CGGBP1: variants seen among roughly 807,000 people sequenced by gnomAD.
CGGBP1 encodes CGG triplet repeat binding protein 1, also known as CGG triplet repeat-binding protein 1.
CGGBP1 carries 4 observed loss-of-function variants against 11.4 expected under a neutral mutation model. The ratio of observed to expected loss-of-function variants is 0.35; its 90% confidence interval spans 0.17 to 0.80. CGGBP1 has a LOEUF of 0.80. Among genes scored for constraint, CGGBP1 ranks in the 30% least tolerant of loss-of-function variants. The pLI is 0.52. For synonymous variants in CGGBP1, 76 were observed against 74.1 expected (o/e 1.03, Z -0.13); for missense variants, 135 against 202.1 (o/e 0.67, Z 2.01).
chr3:88,119,185 C>A (rs1350786616), intron 2 of CGGBP1, among the ~76,000 whole-genome samples: 1 of 147,844 alleles, frequency 6.8e-6, no homozygotes, highest in East Asian at 2.0e-4. Flanking sequence ...CACATACACA[C>A]CATGGAATAC....
rs185941098 is a variant in CGGBP1, at chr3:88,142,330, T to G, written c.-337-1252A>C. On this transcript the variant is annotated intron_variant, in intron 1 of 3. Transcript: ENST00000462901. ...CCACAGTGCTTTGCTAATAAGCTCTTGATAGAACCTCCCACTAACCACTTT... is the reference window on the plus strand; with the variant it reads ...CCACAGTGCTTTGCTAATAAGCTCTGGATAGAACCTCCCACTAACCACTTT... 329 of 152,196 alleles carry G rather than the reference T, an allele frequency of 2.2e-3. 1 individual carries two copies. The highest frequency in any genetic ancestry group is 3.0e-3 in the Non-Finnish European group (200 of 67,786). The allele number at this position is 152,196 out of a possible 1,614,324, so 9.4% of individuals were successfully genotyped here.
At chr3:88,081,855 G>C (rs1343895121) in intron 2 of CGGBP1, among the ~76,000 whole-genome samples, 1 of 152,164 alleles carries the variant, frequency 6.6e-6, no homozygotes, top group East Asian at 1.9e-4. Flanking sequence ...TGTTGCTGTA[G>C]AGTCATTGCT....
intron 2 of CGGBP1, among the ~76,000 whole-genome samples, chr3:88,122,729 G>C (rs1705844304): frequency 6.6e-6 from 1 of 152,018 alleles, no homozygotes. Flanking sequence ...AATATGTATG[G>C]CTGGGTACGG....
At chr3:88,062,828 C>T (rs1477898074), upstream of CGGBP1, among the ~76,000 whole-genome samples, 1 of 152,118 alleles carries the variant, frequency 6.6e-6, no homozygotes, top group African/African-American at 2.4e-5. Context: ...TAGTATTGTA[C>T]GTAGCACACA....
chr3:88,140,063 T>C, intron 2 of CGGBP1: 8 of 1,613,768 alleles, frequency 5.0e-6, no homozygotes, highest in Non-Finnish European at 5.9e-6. Flanking sequence ...AATTTGAAGA[T>C]TCTCAACATT....
intron 2 of CGGBP1, among the ~76,000 whole-genome samples, chr3:88,066,055 A>G (rs191470232): frequency 9.2e-5 from 14 of 152,334 alleles, no homozygotes; most frequent in African/African-American, 3.4e-4. Context: ...ATTTTGTACA[A>G]ATAGATACAA....
intron 2 of CGGBP1, among the ~76,000 whole-genome samples, chr3:88,083,719 A>G (rs1708196160): frequency 6.6e-6 from 1 of 152,294 alleles, no homozygotes; most frequent in Non-Finnish European, 1.5e-5. Context: ...TTTAAGATCC[A>G]GGAAAACACT....
intron 2 of CGGBP1, among the ~76,000 whole-genome samples, chr3:88,131,484 A>G (rs372034544): frequency 6.6e-6 from 1 of 152,164 alleles, no homozygotes; most frequent in Non-Finnish European, 1.5e-5. Flanking sequence ...TCATTGTAAT[A>G]TACTCATAAA....
chr3:88,141,526 C>G, intron 1 of CGGBP1: 1 of 629,734 alleles, frequency 1.6e-6, no homozygotes, highest in Non-Finnish European at 2.4e-6. Flanking sequence ...AAGAGCTTGT[C>G]TGTCTACTAA....
chr3:88,078,624 C>T (rs1421118917), intron 2 of CGGBP1, among the ~76,000 whole-genome samples: 1 of 152,122 alleles, frequency 6.6e-6, no homozygotes, highest in Non-Finnish European at 1.5e-5. Context: ...AGGAGCTCTT[C>T]ATCTCTAGCC....
intron 2 of CGGBP1, among the ~76,000 whole-genome samples, chr3:88,098,789 T>C (rs1322560322): frequency 6.6e-6 from 1 of 152,174 alleles, no homozygotes; most frequent in Non-Finnish European, 1.5e-5. Context: ...CAACACTTCA[T>C]GCTAAATAAA....
intron 2 of CGGBP1, chr3:88,086,154 C>A: frequency 9.5e-7 from 1 of 1,048,532 alleles, no homozygotes; most frequent in Non-Finnish European, 1.4e-6. Flanking sequence ...TGTGTTCATG[C>A]CGATCTAATA....
At chr3:88,089,818 A>C (rs559221969) in intron 2 of CGGBP1, among the ~76,000 whole-genome samples, 19 of 152,184 alleles carry the variant, frequency 1.2e-4, no homozygotes, top group Non-Finnish European at 2.6e-4. Context: ...AGAATGTCAT[A>C]AGATTTTGGG....
At chr3:88,143,488 TAAA>T (rs962346259) in intron 1 of CGGBP1, 4 of 152,326 alleles carry the variant, frequency 2.6e-5, no homozygotes, top group African/African-American at 9.7e-5. Context: ...TGTCTTGTAA[TAAA>T]AAGTCTGTTT....
At chr3:88,078,734 C>A (rs1283627134) in intron 2 of CGGBP1, among the ~76,000 whole-genome samples, 1 of 152,000 alleles carries the variant, frequency 6.6e-6, no homozygotes, top group Non-Finnish European at 1.5e-5. Flanking sequence ...ACAGACTCAT[C>A]ATATATGGAT....
At chr3:88,064,109 C>CTTTTTTTTT (rs34753092) in intron 2 of CGGBP1, among the ~76,000 whole-genome samples, 1 of 147,904 alleles carries the variant, frequency 6.8e-6, no homozygotes, top group African/African-American at 2.5e-5. Flanking sequence ...CGAGCTTCTT[C>CTTTTTTTTT]TTTTTTTTTT....
Position 88,111,968 on chromosome 3 carries a change from C to T in CGGBP1, c.-229+29002G>A, listed in dbSNP as rs137905534. On this transcript the variant is annotated intron_variant, in intron 2 of 3. Coordinates refer to the CGGBP1 transcript ENST00000462901. ...TTGCATTTACTTTCTGCGAAATATT[C>T]TCTTGCAGTTTTCTACTAGGTTATT... is the stretch of plus-strand genomic sequence containing the variant. Among the ~76,000 whole-genome samples the T allele has an allele frequency of 7.2e-3, 1,091 of 152,000 alleles. 19 individuals carry two copies. Among genetic ancestry groups the T allele is most frequent in the Non-Finnish European group, 5.6e-3 (380 of 67,810 alleles).
chr3:88,119,937 A>C (rs1434488791), intron 2 of CGGBP1, among the ~76,000 whole-genome samples: 1 of 152,196 alleles, frequency 6.6e-6, no homozygotes, highest in Non-Finnish European at 1.5e-5. Context: ...AAACTCTGCT[A>C]ATTAAAAGTA....
intron 2 of CGGBP1, chr3:88,129,855 A>AT (rs1431066840): frequency 7.2e-7 from 1 of 1,383,102 alleles, no homozygotes; most frequent in Non-Finnish European, 9.5e-7. Flanking sequence ...AGAAATTGAA[A>AT]TGGTAAGATG....
Sources: allele counts gnomAD v4.1 joint callset (sites outside exome capture counted in the v4.1 genomes callset), GRCh38; gene constraint gnomAD v4.1.1; transcripts MANE v1.5; gene names NCBI Gene and HGNC (gene_info 2026-07-23, HGNC 2026-07-21).